COL8A2: variants seen among roughly 807,000 people sequenced by gnomAD.
COL8A2 encodes the protein collagen alpha-2(VIII) chain.
Under a neutral mutation model 24.0 loss-of-function variants are expected in COL8A2, and 16 were observed. The observed-to-expected ratio is 0.67, with a 90% CI of 0.45 to 1.01. COL8A2 has a LOEUF of 1.01. Ranked by LOEUF, COL8A2 falls within the 50% of genes least tolerant of loss-of-function variation. The probability of loss-of-function intolerance (pLI) is 0.00; values close to 1 mark genes in which losing one functional copy is unlikely to be tolerated. For synonymous variants in COL8A2, 466 were observed against 424.5 expected, an observed-to-expected ratio of 1.10 and a Z score of -1.20; for missense variants, 818 against 942.4, an observed-to-expected ratio of 0.87 and a Z score of 1.73.
intron 2 of COL8A2, among the ~76,000 whole-genome samples, chr1:36,102,845 G>A (rs1643699453): frequency 6.6e-6 from 1 of 151,460 alleles, no homozygotes; most frequent in South Asian, 2.1e-4. Flanking sequence ...CTAATTTTTT[G>A]TATTTATAGT....
chr1:36,106,798 G>A (rs891974886), intron 2 of COL8A2, among the ~76,000 whole-genome samples: 1 of 152,122 alleles, frequency 6.6e-6, no homozygotes, highest in Non-Finnish European at 1.5e-5. Context: ...TGGTAATGGG[G>A]GTCCTCCAGC....
chr1:36,097,671 G>T lies in COL8A2; in HGVS notation c.2010C>A (p.Asn670Lys). Residue 670 changes from asparagine (N) to lysine (K), a missense_variant, in exon 4 of 4, where the codon AAC (asparagine) becomes AAA (lysine). Transcript: ENST00000397799. ...ACGGCATCTGCACCCAGACCTGGTC[G>T]TTGGGCCGCAGCTGGAGCACGGCCC... Reference protein sequence around the residue: ...SGGAVLQLRPNDQVWVQMPSD... With the variant: ...SGGAVLQLRPKDQVWVQMPSD... 1 of 1,613,626 alleles carries T rather than the reference G, an allele frequency of 6.2e-7. No homozygotes were observed. Among genetic ancestry groups the T allele is most frequent in the Non-Finnish European group, 8.5e-7 (1 of 1,180,016 alleles).
At chr1:36,113,197 G>A (rs1270947586) in intron 2 of COL8A2, among the ~76,000 whole-genome samples, 1 of 152,188 alleles carries the variant, frequency 6.6e-6, no homozygotes, top group Non-Finnish European at 1.5e-5. Context: ...TGTGCCCTCT[G>A]CATCCCTCAG....
chr1:36,121,457 A>G lies in COL8A2; in HGVS notation c.-62+3600T>C, dbSNP rs188745837. Among the ~76,000 whole-genome samples the G allele has an allele frequency of 1.7e-3, 240 of 144,642 alleles. 1 individual carries two copies. The highest frequency in any genetic ancestry group is 5.9e-3 in the African/African-American group (230 of 38,834). The allele number at this position is 144,642 out of a possible 152,430, so 94.9% of individuals were successfully genotyped here. On this transcript the variant is annotated intron_variant, in intron 1 of 3. Coordinates refer to ENST00000397799, the MANE Select transcript of COL8A2 (RefSeq NM_005202.4). ...TCTTATTGGCCAGGCACAGTGGCTCACCCCTGTAATCACAGCACTTTGGGA... is the reference window on the plus strand; with the variant it reads ...TCTTATTGGCCAGGCACAGTGGCTCGCCCCTGTAATCACAGCACTTTGGGA...
chr1:36,102,125 G>A (rs1312056693), intron 2 of COL8A2, among the ~76,000 whole-genome samples: 3 of 152,138 alleles, frequency 2.0e-5, no homozygotes, highest in Non-Finnish European at 2.9e-5. Context: ...GTTGCAGTGA[G>A]CTGCACTCCA....
At position 36,123,749 on chromosome 1, in the gene COL8A2, G is replaced by C. The variant is rs1643931474; in HGVS notation, c.-62+1308C>G. On this transcript the variant is annotated intron_variant, in intron 1 of 3. Coordinates refer to ENST00000397799, the MANE Select transcript of COL8A2 (RefSeq NM_005202.4). The surrounding 1 kb of genome is among the most constrained non-coding windows in gnomAD (Gnocchi z 4.1). ...GTGACTGTGCATGGCTCTCAGAAGGGTGCAAGGCTGTGTGTGGCTGGGTGA... is the reference window on the plus strand; with the variant it reads ...GTGACTGTGCATGGCTCTCAGAAGGCTGCAAGGCTGTGTGTGGCTGGGTGA... 1.3e-5 allele frequency among the ~76,000 whole-genome samples: 2 copies of C among 152,180 alleles called. No homozygotes were observed. Among genetic ancestry groups the C allele is most frequent in the Admixed American group, 6.5e-5 (1 of 15,284 alleles).
intron 2 of COL8A2, among the ~76,000 whole-genome samples, chr1:36,109,555 G>A (rs1643809135): frequency 1.3e-5 from 2 of 151,630 alleles, no homozygotes; most frequent in South Asian, 4.2e-4. Flanking sequence ...TAACTCAGGG[G>A]CTGCTCTGCC....
rs1643875631 is a variant in COL8A2 at position 36,115,635 on chromosome 1, G to T, written c.-17+73C>A. 2.3e-6 allele frequency: 2 copies of T among 867,248 alleles called. No individual in the cohort carries two copies. Among genetic ancestry groups the T allele is most frequent in the Non-Finnish European group, 2.8e-6 (2 of 722,344 alleles). The allele number at this position is 867,248 out of a possible 1,614,324, so 53.7% of individuals were successfully genotyped here. On this transcript the variant is annotated intron_variant, in intron 2 of 3. Transcript: ENST00000397799. This position sits in a 1 kb window ranked among gnomAD's most constrained non-coding sequence, Gnocchi z 5.7. ...CTTCCGGTGCAGCAGGAGGGAGTGA[G>T]GTTAGACAGCAATGAACACAGGCCT... is the stretch of plus-strand genomic sequence containing the variant.
intron 2 of COL8A2, among the ~76,000 whole-genome samples, chr1:36,114,014 T>C (rs1231983066): frequency 6.6e-6 from 1 of 152,002 alleles, no homozygotes; most frequent in Admixed American, 6.6e-5. Flanking sequence ...AGACATGGGC[T>C]AGAGGTAAAA....
In COL8A2 at chr1:36,099,399, A is replaced by AG. The variant is rs1277273445; in HGVS notation, c.281dup (p.Gly95TrpfsTer107). On this transcript the variant is annotated frameshift_variant, in exon 4 of 4. Transcript: ENST00000397799. LOFTEE classifies it low-confidence loss of function (END_TRUNC). The stretch of plus-strand genomic sequence containing the variant: ...CCATGCCTGGTTTTCCTGGGAAGCC[A>AG]GGGGGGCCAGGGGGACCCCGAGGCC... The AG allele has an allele frequency of 3.2e-6, 5 of 1,552,938 alleles. No individual in the cohort carries two copies. The highest frequency in any genetic ancestry group is 1.2e-5 in the South Asian group (1 of 85,112).
At chr1:36,104,364 C>T (rs1317129792) in intron 2 of COL8A2, among the ~76,000 whole-genome samples, 1 of 151,776 alleles carries the variant, frequency 6.6e-6, no homozygotes, top group East Asian at 1.9e-4. Context: ...TGGTGGCATG[C>T]ACCTGTAGTC....
At chr1:36,099,968 G>A in intron 3 of COL8A2, 82 bp downstream of exon 3, 1 of 1,359,582 alleles carries the variant, frequency 7.4e-7, no homozygotes, top group Non-Finnish European at 1.1e-6. Flanking sequence ...GAGGGCGCCT[G>A]AGGATCTGAT....
At position 36,115,391 on chromosome 1, in the gene COL8A2, C is replaced by T. The variant is rs920837064; in HGVS notation, c.-17+317G>A. ...GCGGCAGCAGCGGCAGCAGGAGGGG[C>T]TGGGCTGGGCAGGGAGGGGGCCTGG... On this transcript the variant is annotated intron_variant, in intron 2 of 3. Coordinates refer to ENST00000397799, the MANE Select transcript of COL8A2 (RefSeq NM_005202.4). The surrounding 1 kb of genome is among the most constrained non-coding windows in gnomAD (Gnocchi z 5.7). Among the ~76,000 whole-genome samples the T allele has an allele frequency of 1.1e-4, 17 of 152,030 alleles. No individual in the cohort carries two copies. The South Asian group carries it at 3.1e-3, about 28-fold the overall frequency.
Position 36,100,168 on chromosome 1 carries a change from C to A in COL8A2, c.75G>T (p.Arg25=). The A allele has an allele frequency of 1.9e-6, 3 of 1,610,946 alleles. No homozygotes were observed. The highest frequency in any genetic ancestry group is 2.5e-6 in the Non-Finnish European group (3 of 1,178,984). Residue 25 remains arginine (R), a synonymous_variant, in exon 3 of 4, where the codon CGG becomes CGT. Coordinates refer to ENST00000397799, the MANE Select transcript of COL8A2 (RefSeq NM_005202.4). ...LLVLVLGCGP[R]ASSGGGAGGA... ...CACCGGCCCCGCCACCAGAGGACGC[C>A]CGCGGCCCACACCCCAGCACCAGCA...
chr1:36,098,552 G>A lies in COL8A2; in HGVS notation c.1129C>T (p.Pro377Ser). Residue 377 changes from proline (P) to serine (S), a missense_variant, in exon 4 of 4, where the codon CCT (proline) becomes TCT (serine). This residue lies in a region of COL8A2 where 573 missense variants were observed against 616.8 expected (regional missense o/e 0.93). Coordinates refer to ENST00000397799, the MANE Select transcript of COL8A2 (RefSeq NM_005202.4). ...CCTCCAGGCCCTGCCTCACCCTTAG[G>A]CCCAGGGGGCCCACGTCTGCCAGGA... is the stretch of plus-strand genomic sequence containing the variant. ...GLPGRRGPPGPKGEAGPGGPP... is the reference protein window; with the variant it reads ...GLPGRRGPPGSKGEAGPGGPP... 6.2e-7 allele frequency: 1 copy of A among 1,601,740 alleles called. No homozygotes were observed. The highest frequency in any genetic ancestry group is 1.1e-5 in the South Asian group (1 of 89,314).
intron 2 of COL8A2, among the ~76,000 whole-genome samples, chr1:36,114,718 G>A (rs1643871099): frequency 1.3e-5 from 2 of 152,044 alleles, no homozygotes; most frequent in African/African-American, 2.4e-5. Context: ...GGCGGGCACA[G>A]GGCATGTGCT....
At chr1:36,105,214 G>A (rs371320576) in intron 2 of COL8A2, among the ~76,000 whole-genome samples, 1 of 152,120 alleles carries the variant, frequency 6.6e-6, no homozygotes, top group African/African-American at 2.4e-5. Flanking sequence ...TCTCATGTTC[G>A]AATCCCAGTT....
At position 36,125,034 on chromosome 1, in the gene COL8A2, G is replaced by A; in HGVS notation, c.-62+23C>T. The A allele has an allele frequency of 1.0e-6, 1 of 953,030 alleles. No individual in the cohort carries two copies. The highest frequency in any genetic ancestry group is 1.2e-6 in the Non-Finnish European group (1 of 800,658). 59.0% of individuals were successfully genotyped at this position (953,030 alleles called of 1,614,324 possible). On this transcript the variant is annotated intron_variant, in intron 1 of 3. Coordinates refer to ENST00000397799, the MANE Select transcript of COL8A2 (RefSeq NM_005202.4). The surrounding 1 kb of genome is among the most constrained non-coding windows in gnomAD (Gnocchi z 4.5). ...CTCGGAGCCCCCCAGCCCGAGCCCCGGTGCCCGCCTCCTGGCCTTTACCTG... is the reference window on the plus strand; with the variant it reads ...CTCGGAGCCCCCCAGCCCGAGCCCCAGTGCCCGCCTCCTGGCCTTTACCTG...
At chr1:36,101,052 C>T (rs1643673363) in intron 2 of COL8A2, among the ~76,000 whole-genome samples, 1 of 152,030 alleles carries the variant, frequency 6.6e-6, no homozygotes, top group Non-Finnish European at 1.5e-5. Context: ...TGCCACCACG[C>T]CTGGCTAATT....
Sources: allele counts gnomAD v4.1 joint callset (sites outside exome capture counted in the v4.1 genomes callset), GRCh38; gene constraint gnomAD v4.1.1; regional missense constraint gnomAD v4.1.1; non-coding constraint Gnocchi (gnomAD v3.1); transcripts MANE v1.5; gene names NCBI Gene and HGNC (gene_info 2026-07-23, HGNC 2026-07-21).